PTPN13: variants seen among roughly 807,000 people sequenced by gnomAD.
The protein encoded by PTPN13 is protein tyrosine phosphatase non-receptor type 13.
In PTPN13, 191 loss-of-function variants were observed where a neutral mutation model predicts 284.0. The observed-to-expected ratio is 0.67, with a 90% CI of 0.60 to 0.76. PTPN13 has a LOEUF of 0.76. Ranked by LOEUF, PTPN13 falls within the 30% of genes least tolerant of loss-of-function variation. The pLI, the probability that PTPN13 is intolerant of heterozygous loss-of-function variation, is 0.00. For synonymous variants in PTPN13, 986 were observed against 1,022.3 expected (o/e 0.96, Z 0.68); for missense variants, 2,797 against 2,939.9 (o/e 0.95, Z 1.12).
intron 42 of PTPN13, among the ~76,000 whole-genome samples, chr4:86,799,862 G>C (rs938218366): frequency 2.4e-4 from 29 of 120,468 alleles, no homozygotes; most frequent in Non-Finnish European, 3.9e-4. Flanking sequence ...TTGAGACAGA[G>C]TCTCTCTCTG....
chr4:86,638,889 A>C (rs1723385963), intron 2 of PTPN13, among the ~76,000 whole-genome samples: 1 of 152,224 alleles, frequency 6.6e-6, no homozygotes, highest in Admixed American at 6.5e-5. Flanking sequence ...CAGGGTGAAC[A>C]GGCAACCTAC....
intron 2 of PTPN13, among the ~76,000 whole-genome samples, chr4:86,669,430 T>C (rs1443335943): frequency 2.6e-5 from 4 of 151,722 alleles, no homozygotes; most frequent in African/African-American, 4.8e-5. Flanking sequence ...ACCAAAACAT[T>C]ACACTGTACG....
chr4:86,680,385 C>T (rs1028982815), intron 3 of PTPN13, among the ~76,000 whole-genome samples: 2 of 151,486 alleles, frequency 1.3e-5, no homozygotes, highest in Admixed American at 1.3e-4. Context: ...ATCTATCTAT[C>T]TATCTATCTA....
At chr4:86,715,260 A>C (rs1335459628) in intron 7 of PTPN13, among the ~76,000 whole-genome samples, 1 of 152,030 alleles carries the variant, frequency 6.6e-6, no homozygotes, top group African/African-American at 2.4e-5. Context: ...ATGTGTATAT[A>C]TAGGAGATGG....
rs1578698476 is a variant in PTPN13 at position 86,796,739 on chromosome 4, G to T, written c.6346-135G>T. ...AGCCACTGTTTGGAGTGTATTAATT[G>T]AATGTCATATGTGTCTTTGTAATAT... On this transcript the variant is annotated intron_variant, in intron 40 of 47. Coordinates refer to ENST00000411767, the MANE Select transcript of PTPN13 (RefSeq NM_080683.3). The T allele has an allele frequency of 2.3e-5, 14 of 613,686 alleles. No homozygotes were observed. The East Asian group carries it at 4.1e-4, about 18-fold the overall frequency. 38.0% of individuals were successfully genotyped at this position (613,686 alleles called of 1,614,324 possible).
Position 86,770,192 on chromosome 4 carries a change from C to T in PTPN13, c.4796C>T (p.Ala1599Val), listed in dbSNP as rs760768881. ...PPGVLPEIDT[A>V]LLTPLQSPAQ... Reference sequence around the variant, plus strand: ...GGTGTGCTACCGGAAATTGATACTGCGCTTTTGGTGAGACTTATGAAAAGT... The same window carrying T: ...GGTGTGCTACCGGAAATTGATACTGTGCTTTTGGTGAGACTTATGAAAAGT... Residue 1599 changes from alanine to valine, a missense_variant, in exon 30 of 48, where the codon GCG becomes GTG. By Grantham distance (64) the Ala-to-Val change is moderately conservative. Coordinates refer to ENST00000411767, the MANE Select transcript of PTPN13 (RefSeq NM_080683.3). The T allele has an allele frequency of 1.3e-5, 21 of 1,612,478 alleles. No homozygotes were observed. The African/African-American group carries it at 1.5e-4, about 11-fold the overall frequency.
At chr4:86,773,328 A>G (rs1740215848) in intron 32 of PTPN13, among the ~76,000 whole-genome samples, 1 of 152,162 alleles carries the variant, frequency 6.6e-6, no homozygotes, top group Admixed American at 6.6e-5. Flanking sequence ...TACAGAGTAG[A>G]CCCTTAGTAA....
Position 86,745,134 on chromosome 4 carries a change from G to A in PTPN13, c.2650+6G>A. ...CCAAGATGCCCAAGATATTGGTAAG[G>A]AGAAGCAGACTATTTCAGATGACTC... is the stretch of plus-strand genomic sequence containing the variant. On this transcript the variant is annotated splice_donor_region_variant and intron_variant, in intron 17 of 47. Coordinates refer to ENST00000411767, the MANE Select transcript of PTPN13 (RefSeq NM_080683.3). 1 of 1,600,902 alleles carries A rather than the reference G, an allele frequency of 6.2e-7. No homozygotes were observed. The highest frequency in any genetic ancestry group is 8.5e-7 in the Non-Finnish European group (1 of 1,174,468).
intron 2 of PTPN13, among the ~76,000 whole-genome samples, chr4:86,640,543 T>G (rs1255097420): frequency 6.6e-6 from 1 of 152,138 alleles, no homozygotes; most frequent in African/African-American, 2.4e-5. Flanking sequence ...CAACTGCAAA[T>G]TTACCACTTC....
At chr4:86,699,890 A>G (rs890775590) in intron 6 of PTPN13, among the ~76,000 whole-genome samples, 1 of 152,166 alleles carries the variant, frequency 6.6e-6, no homozygotes, top group Non-Finnish European at 1.5e-5. Context: ...ACACAGACAT[A>G]TGTTTATCAG....
intron 31 of PTPN13, among the ~76,000 whole-genome samples, chr4:86,772,159 C>T (rs780662628): frequency 1.3e-5 from 2 of 152,118 alleles, no homozygotes; most frequent in African/African-American, 2.4e-5. Context: ...ACACATTAAG[C>T]TTCTGATAAC....
chr4:86,595,925 TC>T, intron 1 of PTPN13: 1 of 266,140 alleles, frequency 3.8e-6, no homozygotes, highest in Non-Finnish European at 5.8e-6. Flanking sequence ...GTTGGCAGGG[TC>T]CAGGTGAAAA....
intron 36 of PTPN13, among the ~76,000 whole-genome samples, chr4:86,781,643 C>G (rs965895319): frequency 6.6e-6 from 1 of 152,208 alleles, no homozygotes; most frequent in Non-Finnish European, 1.5e-5. Flanking sequence ...ATGAACCATT[C>G]AGCCCAAACT....
chr4:86,646,905 C>T (rs1724500583), intron 2 of PTPN13, among the ~76,000 whole-genome samples: 1 of 152,138 alleles, frequency 6.6e-6, no homozygotes, highest in Non-Finnish European at 1.5e-5. Flanking sequence ...ACTATTGATA[C>T]ATGCAACAAC....
chr4:86,655,694 T>G (rs1294784317), intron 2 of PTPN13, among the ~76,000 whole-genome samples: 4 of 152,190 alleles, frequency 2.6e-5, no homozygotes, highest in Admixed American at 2.6e-4. Flanking sequence ...TCATTTCAAC[T>G]TTGGTGAATC....
chr4:86,799,920 C>T (rs1474739376), intron 42 of PTPN13, among the ~76,000 whole-genome samples: 1 of 149,114 alleles, frequency 6.7e-6, no homozygotes, highest in Non-Finnish European at 1.5e-5. Flanking sequence ...TCACTGCAAC[C>T]TCCATCTCCT....
intron 17 of PTPN13, among the ~76,000 whole-genome samples, chr4:86,748,749 G>A (rs1737060700): frequency 6.6e-6 from 1 of 151,994 alleles, no homozygotes; most frequent in Non-Finnish European, 1.5e-5. Context: ...TCTACCTCCC[G>A]GGTTCACGCC....
At position 86,634,743 on chromosome 4, in the gene PTPN13, G is replaced by A. The variant is rs572373979; in HGVS notation, c.-5-509G>A. On this transcript the variant is annotated intron_variant, in intron 1 of 47. Coordinates refer to ENST00000411767, the MANE Select transcript of PTPN13 (RefSeq NM_080683.3). ...AATTGCATTTAGTGCAAAATATACA[G>A]TTATAGTATATATATTGGAGATAAT... Among the ~76,000 whole-genome samples the A allele has an allele frequency of 6.6e-5, 10 of 152,240 alleles. No homozygotes were observed. In the South Asian group the frequency reaches 2.1e-3, roughly 32 times the overall value.
chr4:86,615,211 C>T (rs769270617), intron 1 of PTPN13, among the ~76,000 whole-genome samples: 11 of 151,928 alleles, frequency 7.2e-5, no homozygotes, highest in Non-Finnish European at 1.2e-4. Flanking sequence ...TTCTGTTAGC[C>T]GAATACTTTT....
Sources: allele counts gnomAD v4.1 joint callset (sites outside exome capture counted in the v4.1 genomes callset), GRCh38; gene constraint gnomAD v4.1.1; transcripts MANE v1.5; gene names NCBI Gene and HGNC (gene_info 2026-07-23, HGNC 2026-07-21).